TTC34: variants seen among roughly 807,000 people sequenced by gnomAD.
TTC34 encodes the protein tetratricopeptide repeat domain 34.
TTC34 carries 44 observed loss-of-function variants against 40.7 expected under a neutral mutation model. The observed-to-expected ratio is 1.08, with a 90% CI of 0.85 to 1.39. TTC34 has a LOEUF of 1.39. Ranked by LOEUF, TTC34 falls within the 40% of genes most tolerant of loss-of-function variation. The pLI is 0.00. For synonymous variants in TTC34, 422 were observed against 398.6 expected, an observed-to-expected ratio of 1.06 and a Z score of -0.70; for missense variants, 884 against 838.0, an observed-to-expected ratio of 1.05 and a Z score of -0.68.
intron 6 of TTC34, among the ~76,000 whole-genome samples, chr1:2,768,490 G>A (rs568591174): frequency 6.7e-6 from 1 of 150,230 alleles, no homozygotes; most frequent in Non-Finnish European, 1.5e-5. Flanking sequence ...GTGGGGAAAA[G>A]CTCCCCGCCC....
At chr1:2,685,888 GAGCA>G (rs1640315435) in intron 6 of TTC34, among the ~76,000 whole-genome samples, 1 of 147,494 alleles carries the variant, frequency 6.8e-6, no homozygotes, top group African/African-American at 2.6e-5. Context: ...ACCCCCAGGT[GAGCA>G]TCTGACAGCC....
chr1:2,753,068 T>TCCGACAGC (rs1641378161), intron 6 of TTC34, among the ~76,000 whole-genome samples: 2 of 148,462 alleles, frequency 1.3e-5, no homozygotes, highest in African/African-American at 5.0e-5. Context: ...CAGGTGAGCA[T>TCCGACAGC]CTGACAGCCT....
At chr1:2,698,448 C>A (rs572868552) in intron 6 of TTC34, among the ~76,000 whole-genome samples, 1 of 113,100 alleles carries the variant, frequency 8.8e-6, no homozygotes, top group Admixed American at 8.3e-5. Context: ...CACCCACACC[C>A]CCAGGTGGGC....
intron 6 of TTC34, among the ~76,000 whole-genome samples, chr1:2,750,962 C>G (rs1397424585): frequency 4.2e-5 from 5 of 118,154 alleles, no homozygotes; most frequent in Admixed American, 8.7e-5. Flanking sequence ...GAGCAGCACC[C>G]ACACCCCCAG....
At chr1:2,675,635 AC>A (rs796291299) in intron 6 of TTC34, among the ~76,000 whole-genome samples, 7,560 of 34,222 alleles carry the variant, frequency 0.22, 403 homozygotes, top group Non-Finnish European at 0.27. Context: ...CTGGAGCAGC[AC>A]CCCACACCCC....
chr1:2,767,810 C>A (rs890278341), intron 6 of TTC34, among the ~76,000 whole-genome samples: 3 of 150,956 alleles, frequency 2.0e-5, no homozygotes, highest in Non-Finnish European at 3.0e-5. Context: ...CCCACACTCC[C>A]AGGTGAGCAT....
intron 6 of TTC34, among the ~76,000 whole-genome samples, chr1:2,656,453 G>A (rs1370557296): frequency 1.9e-4 from 4 of 20,708 alleles, no homozygotes; most frequent in Non-Finnish European, 2.5e-4. Flanking sequence ...ACAGCACCCT[G>A]CACCCCCAGG....
chr1:2,697,484 A>AC (rs1299656721), intron 6 of TTC34, among the ~76,000 whole-genome samples: 2 of 148,876 alleles, frequency 1.3e-5, no homozygotes, highest in African/African-American at 4.9e-5. Flanking sequence ...AGCTCCCTGC[A>AC]CCCCCAGGTG....
intron 6 of TTC34, among the ~76,000 whole-genome samples, chr1:2,688,239 G>A (rs1488355996): frequency 2.8e-5 from 4 of 144,340 alleles, no homozygotes; most frequent in African/African-American, 1.1e-4. Flanking sequence ...GCCTGGAGCA[G>A]CACCCACACC....
rs980986059 is a variant in TTC34 at position 2,783,537 on chromosome 1, G to A, written c.2226+72C>T. The A allele has an allele frequency of 1.5e-4, 188 of 1,295,754 alleles. 1 individual carries two copies. The highest frequency in any genetic ancestry group is 1.4e-4 in the Non-Finnish European group (142 of 1,008,276). 80.3% of individuals were successfully genotyped at this position (1,295,754 alleles called of 1,614,324 possible). ...GCCTACCCGGCTCCCTCTCTCCTTG[G>A]GGTGGAGGAAGGCAGCTCCCTGGGT... On this transcript the variant is annotated intron_variant, in intron 6 of 8. Transcript: ENST00000401095.
At chr1:2,777,939 T>C (rs997072725) in intron 6 of TTC34, among the ~76,000 whole-genome samples, 4 of 152,132 alleles carry the variant, frequency 2.6e-5, no homozygotes, top group Non-Finnish European at 4.4e-5. Context: ...CATCCAGCTG[T>C]TAAATGGGCA....
chr1:2,798,149 C>T (rs1204231191), intron 2 of TTC34, among the ~76,000 whole-genome samples: 1 of 123,876 alleles, frequency 8.1e-6, no homozygotes, highest in Non-Finnish European at 1.7e-5. Flanking sequence ...AGCCTCTCAG[C>T]CTCTTAGCCC....
At chr1:2,782,149 A>G (rs1643493462) in intron 6 of TTC34, among the ~76,000 whole-genome samples, 1 of 151,974 alleles carries the variant, frequency 6.6e-6, no homozygotes, top group Admixed American at 6.6e-5. Flanking sequence ...CTTTGTTGGG[A>G]GATTTTTGAT....
At chr1:2,769,879 TTGAGTAGCTGACATCCTGGAGCTGCAC>T (rs1642013632) in intron 6 of TTC34, among the ~76,000 whole-genome samples, 1 of 70,204 alleles carries the variant, frequency 1.4e-5, no homozygotes, top group Non-Finnish European at 2.6e-5. Flanking sequence ...ACACCCCCAG[TTGAGTAGCTGACATCCTGGAGCTGCAC>T]CCATACCCCC....
intron 6 of TTC34, among the ~76,000 whole-genome samples, chr1:2,683,508 C>CT (rs1640175535): frequency 2.7e-5 from 1 of 37,492 alleles, no homozygotes; most frequent in Non-Finnish European, 7.7e-5. Context: ...GAACGGCACC[C>CT]ACACCACCAG....
At chr1:2,769,488 T>C (rs1301581180) in intron 6 of TTC34, among the ~76,000 whole-genome samples, 1 of 32,682 alleles carries the variant, frequency 3.1e-5, no homozygotes, top group Non-Finnish European at 5.0e-5. Flanking sequence ...GCATCTGACA[T>C]CCTGGAACAG....
At chr1:2,788,794 A>T (rs1161212995) in intron 3 of TTC34, among the ~76,000 whole-genome samples, 2 of 152,156 alleles carry the variant, frequency 1.3e-5, no homozygotes, top group African/African-American at 2.4e-5. Flanking sequence ...CCCACGAGGG[A>T]TTACAGCTAA....
intron 6 of TTC34, among the ~76,000 whole-genome samples, chr1:2,692,536 C>A (rs1307399398): frequency 5.9e-5 from 7 of 119,488 alleles, no homozygotes; most frequent in Non-Finnish European, 8.9e-5. Context: ...CTTGGATCAG[C>A]ACCCACACCC....
chr1:2,799,154 C>CTAG (rs1643746799), intron 2 of TTC34, among the ~76,000 whole-genome samples: 1 of 151,274 alleles, frequency 6.6e-6, no homozygotes, highest in African/African-American at 2.4e-5. Flanking sequence ...TCCTAGCCTC[C>CTAG]CGGCCCCCCA....
Sources: gnomAD v4.1 joint callset for allele counts (sites outside exome capture counted in the v4.1 genomes callset) on GRCh38, gnomAD v4.1.1 for gene constraint, MANE v1.5 for transcripts, NCBI Gene and HGNC (gene_info 2026-07-23, HGNC 2026-07-21) for gene names.